DAB1: variants seen among roughly 807,000 people sequenced by gnomAD.
DAB1 encodes the protein DAB adaptor protein 1, also known as disabled homolog 1.
In DAB1, 15 loss-of-function variants were observed where a neutral mutation model predicts 64.6. That is an observed-to-expected ratio of 0.23 (90% CI 0.16 to 0.36). DAB1 has a LOEUF of 0.36. DAB1 is among the 10% of genes least tolerant of loss of function. The pLI is 1.00. For missense variants in DAB1, 596 were observed against 706.7 expected, an observed-to-expected ratio of 0.84 and a Z score of 1.78; for synonymous variants, 235 against 251.9, an observed-to-expected ratio of 0.93 and a Z score of 0.64.
intron 2 of DAB1, among the ~76,000 whole-genome samples, chr1:57,180,517 T>C (rs1662800943): frequency 6.6e-6 from 1 of 152,138 alleles, no homozygotes; most frequent in Non-Finnish European, 1.5e-5. Context: ...GACTTGCGGA[T>C]GGGGGGTAAA....
chr1:58,338,615 C>T (rs1329841736), intron 4 of DAB1, among the ~76,000 whole-genome samples: 1 of 152,162 alleles, frequency 6.6e-6, no homozygotes, highest in South Asian at 2.1e-4. Flanking sequence ...ATAAGACAGA[C>T]AGTCGTTGCC....
At chr1:57,242,993 GTAGA>G (rs1668603552) in intron 2 of DAB1, among the ~76,000 whole-genome samples, 1 of 152,124 alleles carries the variant, frequency 6.6e-6, no homozygotes, top group Non-Finnish European at 1.5e-5. Flanking sequence ...TGCATACTTA[GTAGA>G]TACTCAATAA....
chr1:58,511,598 T>C (rs1398221859), intron 2 of DAB1, among the ~76,000 whole-genome samples: 1 of 151,930 alleles, frequency 6.6e-6, no homozygotes, highest in Non-Finnish European at 1.5e-5. Flanking sequence ...CACTGCACTC[T>C]AGCCTGGGTA....
chr1:57,887,622 T>C (rs1644243707), upstream of DAB1, among the ~76,000 whole-genome samples: 3 of 152,326 alleles, frequency 2.0e-5, no homozygotes, highest in South Asian at 6.2e-4. Flanking sequence ...TGATAGACAT[T>C]GCAAAATGAT....
At chr1:57,851,360 A>G (rs1473048871) in intron 1 of DAB1, among the ~76,000 whole-genome samples, 1 of 152,218 alleles carries the variant, frequency 6.6e-6, no homozygotes, top group Non-Finnish European at 1.5e-5. Flanking sequence ...TTCTGCCTAG[A>G]GGACAATAGG....
intron 5 of DAB1, among the ~76,000 whole-genome samples, chr1:58,140,774 T>C (rs1043404058): frequency 1.3e-5 from 2 of 152,074 alleles, no homozygotes; most frequent in African/African-American, 2.4e-5. Flanking sequence ...AAATCACTGA[T>C]AGAATAAATG....
chr1:57,051,133 T>C (rs896157328), intron 9 of DAB1, among the ~76,000 whole-genome samples: 12 of 152,330 alleles, frequency 7.9e-5, no homozygotes, highest in South Asian at 4.1e-4. Flanking sequence ...ACAATGTTTG[T>C]TAAGTATGGC....
intron 1 of DAB1, among the ~76,000 whole-genome samples, chr1:57,883,485 GC>G (rs1644176743): frequency 6.6e-6 from 1 of 152,168 alleles, no homozygotes; most frequent in Non-Finnish European, 1.5e-5. Context: ...AACCCAGAGT[GC>G]CTGGTGCTGT....
intron 7 of DAB1, among the ~76,000 whole-genome samples, chr1:57,648,909 A>G (rs1646224920): frequency 6.6e-6 from 1 of 152,234 alleles, no homozygotes; most frequent in Non-Finnish European, 1.5e-5. Flanking sequence ...TCCATCCACC[A>G]GTCTGTGATT....
intron 5 of DAB1, among the ~76,000 whole-genome samples, chr1:58,135,678 A>T (rs962163350): frequency 1.3e-5 from 2 of 152,174 alleles, no homozygotes; most frequent in Admixed American, 6.5e-5. Flanking sequence ...TTTATAGAGC[A>T]TCAAATAAGG....
chr1:57,606,672 AATATATATTATGTATGAAAT>A (rs1305704444), intron 7 of DAB1, among the ~76,000 whole-genome samples: 9 of 70,430 alleles, frequency 1.3e-4, no homozygotes, highest in African/African-American at 3.5e-4. Flanking sequence ...ATATATATGA[AATATATATTATGTATGAAAT>A]ATATATATGA....
chr1:57,062,521 T>C (rs1650504640), intron 9 of DAB1, among the ~76,000 whole-genome samples: 1 of 152,160 alleles, frequency 6.6e-6, no homozygotes, highest in Admixed American at 6.5e-5. Flanking sequence ...ACAACACTAT[T>C]AGATACCATA....
At chr1:58,050,731 G>A (rs1647592053) in intron 5 of DAB1, among the ~76,000 whole-genome samples, 3 of 151,968 alleles carry the variant, frequency 2.0e-5, no homozygotes, top group African/African-American at 4.8e-5. Context: ...GGGTCTCACC[G>A]TGTTAGCCAG....
At chr1:57,617,922 T>C (rs1288916963) in intron 7 of DAB1, among the ~76,000 whole-genome samples, 1 of 152,162 alleles carries the variant, frequency 6.6e-6, no homozygotes. Context: ...CACACTTACA[T>C]AACTTCTCAT....
rs533366764 is a variant in DAB1 at position 57,319,109 on chromosome 1, C to G, written c.-136-27943G>C. On this transcript the variant is annotated intron_variant, in intron 1 of 14. Transcript: ENST00000371236. ...AGGGGTCGTGGCAGATCTTATTGAA[C>G]CACCTTGTCTTTTTAGAAGTGTTGC... Among the ~76,000 whole-genome samples, 9 of 152,284 alleles carry G rather than the reference C, an allele frequency of 5.9e-5. No individual in the cohort carries two copies. In the South Asian group the frequency reaches 1.9e-3, roughly 32 times the overall value.
At chr1:57,598,859 T>C (rs1343445018) in intron 7 of DAB1, among the ~76,000 whole-genome samples, 1 of 152,198 alleles carries the variant, frequency 6.6e-6, no homozygotes, top group Admixed American at 6.5e-5. Context: ...GGAGCTGATA[T>C]GATCGAAGGT....
intron 6 of DAB1, among the ~76,000 whole-genome samples, chr1:57,689,052 T>C (rs761504638): frequency 1.3e-5 from 2 of 152,112 alleles, no homozygotes; most frequent in Non-Finnish European, 1.5e-5. Flanking sequence ...CATGTACCCA[T>C]TGTATCTAAA....
intron 7 of DAB1, among the ~76,000 whole-genome samples, chr1:57,525,421 GAC>G (rs1485877253): frequency 7.1e-6 from 1 of 139,876 alleles, no homozygotes; most frequent in Non-Finnish European, 1.5e-5. Flanking sequence ...TATACTAGTA[GAC>G]ACAGAAAGTT....
At chr1:57,534,816 A>C (rs1321368187) in intron 7 of DAB1, among the ~76,000 whole-genome samples, 2 of 152,182 alleles carry the variant, frequency 1.3e-5, no homozygotes, top group Non-Finnish European at 2.9e-5. Flanking sequence ...AACTTCGCAA[A>C]GGCCTCTCAT....
Sources: allele counts gnomAD v4.1 joint callset (sites outside exome capture counted in the v4.1 genomes callset), GRCh38; gene constraint gnomAD v4.1.1; transcripts MANE v1.5; gene names NCBI Gene and HGNC (gene_info 2026-07-23, HGNC 2026-07-21).